ARRDC5: variants seen among roughly 807,000 people sequenced by gnomAD.
ARRDC5 encodes arrestin domain containing 5.
In ARRDC5, 12 loss-of-function variants were observed where a neutral mutation model predicts 13.3. The ratio of observed to expected loss-of-function variants is 0.90; its 90% CI spans 0.58 to 1.46. ARRDC5 has a LOEUF of 1.46. Ranked by LOEUF, ARRDC5 falls within the 40% of genes most tolerant of loss-of-function variation. The pLI is 0.00. For missense variants in ARRDC5, 406 were observed against 418.7 expected, an observed-to-expected ratio of 0.97 and a Z score of 0.26; for synonymous variants, 181 against 173.4, an observed-to-expected ratio of 1.04 and a Z score of -0.34.
At chr19:4,903,965 C>A (rs187079918), upstream of ARRDC5, among the ~76,000 whole-genome samples, 6 of 152,130 alleles carry the variant, frequency 3.9e-5, no homozygotes, top group East Asian at 1.2e-3. Context: ...GCAGCAACTC[C>A]CTGCATGATT....
In ARRDC5 at chr19:4,902,574, C is replaced by A. The variant is rs2031958935; in HGVS notation, c.252G>T (p.Glu84Asp). The change falls in exon 1 of 3, where the codon GAG (glutamate) becomes GAT (aspartate). Residue 84 changes from glutamate (E) to aspartate (D), a missense_variant and splice_region_variant. Glu to Asp is a conservative substitution (Grantham distance 45). Coordinates refer to ENST00000650722, the MANE Select transcript of ARRDC5 (RefSeq NM_001080523.3). The part of the protein sequence containing the change: ...YVHKTKTFPV[E>D]DNWLSAGSHT... ...GGTGGCTGTTGGCCTCGTCCTTACC[C>A]TCCACTGGGAATGTCTTTGTCTTAT... 1 of 1,613,370 alleles carries A rather than the reference C, an allele frequency of 6.2e-7. No individual in the cohort carries two copies. The highest frequency in any genetic ancestry group is 8.5e-7 in the Non-Finnish European group (1 of 1,179,512).
chr19:4,893,367 G>A (rs1454891792), intron 2 of ARRDC5, among the ~76,000 whole-genome samples: 2 of 148,326 alleles, frequency 1.3e-5, no homozygotes, highest in Non-Finnish European at 3.0e-5. Context: ...TTGGCCGGGT[G>A]TGATGGCACG....
chr19:4,911,103 G>GATGCA, the ARRDC5 span: 1 of 1,405,808 alleles, frequency 7.1e-7, no homozygotes, highest in Non-Finnish European at 9.4e-7. Context: ...GCAGCCACCA[G>GATGCA]CCGATACTTT....
the ARRDC5 span, among the ~76,000 whole-genome samples, chr19:4,914,807 T>C: frequency 0.048 from 7,311 of 152,210 alleles, 245 homozygotes; most frequent in Non-Finnish European, 0.071. Flanking sequence ...TTATTTTAGA[T>C]AGGGCTAATA....
chr19:4,903,985 C>CT (rs566325507), upstream of ARRDC5, among the ~76,000 whole-genome samples: 8 of 150,306 alleles, frequency 5.3e-5, no homozygotes, highest in South Asian at 4.2e-4. Flanking sequence ...TGACATTTCT[C>CT]TTTTTTTTTG....
chr19:4,902,990 G>A, upstream of ARRDC5: 3 of 892,706 alleles, frequency 3.4e-6, no homozygotes, highest in East Asian at 5.1e-5. Flanking sequence ...GTTGTTTAGG[G>A]TGGGTGGTTG....
Position 4,899,061 on chromosome 19 carries a change from G to GTCA in ARRDC5, c.254-2186_254-2185insTGA, listed in dbSNP as rs1306446971. Among the ~76,000 whole-genome samples the GTCA allele has an allele frequency of 6.6e-5, 10 of 152,108 alleles. No homozygotes were observed. The East Asian group carries it at 1.4e-3, about 21-fold the overall frequency. On this transcript the variant is annotated intron_variant, in intron 1 of 2. Coordinates refer to ENST00000650722, the MANE Select transcript of ARRDC5 (RefSeq NM_001080523.3). Reference sequence around the variant, plus strand: ...ATGGTGGCTCACACTTGTCATCCCAGCACTTTGGGAGGCCGAGGCGGGCAG... The same window carrying GTCA: ...ATGGTGGCTCACACTTGTCATCCCAGTCACACTTTGGGAGGCCGAGGCGGGCAG...
At chr19:4,892,460 A>G (rs10404000) in intron 2 of ARRDC5, among the ~76,000 whole-genome samples, 114,594 of 149,078 alleles carry the variant, frequency 0.77, 44,194 homozygotes, top group African/African-American at 0.86. Flanking sequence ...GACCTCCTGG[A>G]CTCAAGTGAT....
chr19:4,904,103 A>G (rs1045455716), upstream of ARRDC5, among the ~76,000 whole-genome samples: 2 of 151,980 alleles, frequency 1.3e-5, no homozygotes, highest in African/African-American at 4.8e-5. Flanking sequence ...CAGCCTCCCA[A>G]GTAGCTGGGA....
the ARRDC5 span, among the ~76,000 whole-genome samples, chr19:4,913,067 T>C: frequency 2.0e-5 from 3 of 152,174 alleles, no homozygotes; most frequent in South Asian, 6.2e-4. Flanking sequence ...AAGCTTTGTC[T>C]ATAGTGAAAC....
chr19:4,905,554 G>T (rs1043221960), upstream of ARRDC5, among the ~76,000 whole-genome samples: 1 of 151,390 alleles, frequency 6.6e-6, no homozygotes. Flanking sequence ...TTTTGCTCTT[G>T]TTGCCCAGGC....
chr19:4,909,424 A>C, the ARRDC5 span: 1 of 651,486 alleles, frequency 1.5e-6, no homozygotes, highest in African/African-American at 1.9e-5. Context: ...GCCAATCAGG[A>C]GGCAGGCGCC....
chr19:4,891,099 A>G lies in ARRDC5; in HGVS notation c.934T>C (p.Cys312Arg), dbSNP rs1261513057. 1 of 1,613,970 alleles carries G rather than the reference A, an allele frequency of 6.2e-7. No homozygotes were observed. The change falls in exon 3 of 3, where the codon TGC becomes CGC. Residue 312 changes from cysteine to arginine, a missense_variant. Coordinates refer to ENST00000650722, the MANE Select transcript of ARRDC5 (RefSeq NM_001080523.3). ...AACACTCCGTCCTCTGACAGCTGGC[A>G]GATGGCAGAGTCCACTGAGGCGCTG... ...ITSASVDSAI[C>R]QLSEDGVLPV...
the ARRDC5 span, among the ~76,000 whole-genome samples, chr19:4,907,997 C>T: frequency 2.0e-5 from 3 of 152,286 alleles, no homozygotes; most frequent in South Asian, 2.1e-4. Flanking sequence ...CAGGTGTGAG[C>T]CAACGCGCCC....
chr19:4,908,253 C>T, the ARRDC5 span, among the ~76,000 whole-genome samples: 13 of 152,058 alleles, frequency 8.5e-5, no homozygotes, highest in African/African-American at 1.4e-4. Flanking sequence ...GGTCTAGAGA[C>T]GCATATCTTC....
chr19:4,905,113 T>C (rs1156478166), upstream of ARRDC5, among the ~76,000 whole-genome samples: 19 of 134,270 alleles, frequency 1.4e-4, no homozygotes, highest in South Asian at 2.6e-4. Context: ...ACTTTCTTTT[T>C]TTTTTTTTTT....
chr19:4,903,086 G>GTA, upstream of ARRDC5: 3 of 450,052 alleles, frequency 6.7e-6, no homozygotes, highest in South Asian at 6.9e-5. Context: ...GAGTGCAGGG[G>GTA]TGCCATCTTG....
chr19:4,911,226 C>T, the ARRDC5 span, among the ~76,000 whole-genome samples: 1 of 152,032 alleles, frequency 6.6e-6, no homozygotes, highest in Non-Finnish European at 1.5e-5. Flanking sequence ...AAAGGGAGGA[C>T]TCACAGATTG....
chr19:4,910,594 G>A, the ARRDC5 span: 1 of 332,220 alleles, frequency 3.0e-6, no homozygotes, highest in Non-Finnish European at 5.4e-6. Flanking sequence ...TGGTCGTGGG[G>A]AAGGAGGGAT....
Sources: gnomAD v4.1 joint callset for allele counts (sites outside exome capture counted in the v4.1 genomes callset) on GRCh38, gnomAD v4.1.1 for gene constraint, MANE v1.5 for transcripts, NCBI Gene and HGNC (gene_info 2026-07-23, HGNC 2026-07-21) for gene names.